The following SLC39A11 variants were observed in gnomAD, a reference collection of about 807,000 sequenced individuals.
SLC39A11 encodes solute carrier family 39 member 11.
In SLC39A11, 33 loss-of-function variants were observed where a neutral mutation model predicts 36.1. That is an observed-to-expected ratio of 0.91 (90% CI 0.69 to 1.22). SLC39A11 has a LOEUF of 1.22. SLC39A11 is among the 50% of genes most tolerant of loss of function. The probability of loss-of-function intolerance (pLI) is 0.00; values close to 1 mark genes in which losing one functional copy is unlikely to be tolerated. For missense variants in SLC39A11, 432 were observed against 430.3 expected (o/e 1.00, Z -0.03); for synonymous variants, 166 against 170.3 (o/e 0.97, Z 0.20).
intron 4 of SLC39A11, among the ~76,000 whole-genome samples, chr17:73,028,493 A>C (rs1014265866): frequency 3.9e-5 from 6 of 152,192 alleles, no homozygotes; most frequent in Admixed American, 3.9e-4. Flanking sequence ...ATTTGTATTC[A>C]CTGACTGTAG....
intron 5 of SLC39A11, among the ~76,000 whole-genome samples, chr17:72,850,381 G>C (rs11868141): frequency 0.52 from 79,238 of 151,366 alleles, 21,211 homozygotes; most frequent in Middle Eastern, 0.58. Flanking sequence ...TTGAGCCCGG[G>C]AAGTTGAGGC....
chr17:73,059,163 T>C (rs1908877207), intron 3 of SLC39A11, among the ~76,000 whole-genome samples: 2 of 152,240 alleles, frequency 1.3e-5, no homozygotes, highest in South Asian at 4.1e-4. Flanking sequence ...CATCTTGGTT[T>C]TGTACAATAT....
At chr17:72,674,564 G>A (rs2071169924) in intron 7 of SLC39A11, among the ~76,000 whole-genome samples, 1 of 152,208 alleles carries the variant, frequency 6.6e-6, no homozygotes, top group South Asian at 2.1e-4. Context: ...ATTCTTAGGA[G>A]TGGGTTTCCT....
chr17:72,773,680 C>T (rs77427824), intron 6 of SLC39A11, among the ~76,000 whole-genome samples: 4,162 of 150,108 alleles, frequency 0.028, 201 homozygotes, highest in African/African-American at 0.094. Flanking sequence ...CACACACACC[C>T]AGTATATAAA....
At chr17:72,670,160 T>TAC (rs202032502) in intron 7 of SLC39A11, among the ~76,000 whole-genome samples, 70 of 104,676 alleles carry the variant, frequency 6.7e-4, no homozygotes, top group East Asian at 2.5e-3. Context: ...ACATTTTATA[T>TAC]ACACACACAC....
Position 72,748,761 on chromosome 17 carries a change from T to C in SLC39A11, c.602-12042A>G, listed in dbSNP as rs1159543336. On this transcript the variant is annotated intron_variant, in intron 6 of 9. Coordinates refer to ENST00000255559, the MANE Select transcript of SLC39A11 (RefSeq NM_139177.4). ...AAGGGAGAGAATGCCTATACTGGCA[T>C]TGAAGATTCCGAGCTGTTCCAACTA... Among the ~76,000 whole-genome samples, 4 of 152,240 alleles carry C rather than the reference T, an allele frequency of 2.6e-5. No individual in the cohort carries two copies. The East Asian group carries it at 5.8e-4, about 22-fold the overall frequency.
chr17:72,986,641 AC>A (rs1262918608), intron 4 of SLC39A11, among the ~76,000 whole-genome samples: 8 of 152,120 alleles, frequency 5.3e-5, no homozygotes, highest in Non-Finnish European at 1.2e-4. Context: ...CCCAACCCAG[AC>A]CTGCCAAATC....
chr17:72,945,547 G>A (rs1482938868), intron 5 of SLC39A11, among the ~76,000 whole-genome samples: 1 of 152,202 alleles, frequency 6.6e-6, no homozygotes, highest in Non-Finnish European at 1.5e-5. Context: ...GTGTGTCCAG[G>A]TGAGAAGAAC....
intron 5 of SLC39A11, among the ~76,000 whole-genome samples, chr17:72,902,718 A>G (rs988598159): frequency 6.6e-6 from 1 of 152,208 alleles, no homozygotes; most frequent in Non-Finnish European, 1.5e-5. Flanking sequence ...CAATAGGCTT[A>G]ACATGCAGCT....
intron 6 of SLC39A11, among the ~76,000 whole-genome samples, chr17:72,797,689 C>T (rs1230437430): frequency 6.6e-6 from 1 of 152,144 alleles, no homozygotes; most frequent in Non-Finnish European, 1.5e-5. Flanking sequence ...ACCATCGTGG[C>T]CCGGCTCTGC....
chr17:72,961,852 C>T (rs999202463), intron 4 of SLC39A11, among the ~76,000 whole-genome samples: 2 of 152,090 alleles, frequency 1.3e-5, no homozygotes, highest in Non-Finnish European at 2.9e-5. Flanking sequence ...CAAACCTGCA[C>T]ATTGTGCACA....
At chr17:72,729,455 A>AT (rs2074122456) in intron 7 of SLC39A11, among the ~76,000 whole-genome samples, 3 of 6,614 alleles carry the variant, frequency 4.5e-4, no homozygotes, top group Non-Finnish European at 6.3e-4. Flanking sequence ...ATATATATAT[A>AT]TATTTTTTTT....
At chr17:72,933,762 C>T (rs900852604) in intron 5 of SLC39A11, among the ~76,000 whole-genome samples, 3 of 152,072 alleles carry the variant, frequency 2.0e-5, no homozygotes, top group Non-Finnish European at 4.4e-5. Flanking sequence ...TCAAACGATC[C>T]ACCCGACTCA....
intron 3 of SLC39A11, among the ~76,000 whole-genome samples, chr17:73,035,034 C>A (rs377174547): frequency 1.3e-5 from 2 of 152,174 alleles, no homozygotes; most frequent in Non-Finnish European, 2.9e-5. Context: ...AGCCTCCCTG[C>A]CTCACACACA....
chr17:72,952,945 C>T (rs1022591584), intron 4 of SLC39A11, among the ~76,000 whole-genome samples: 12 of 152,176 alleles, frequency 7.9e-5, no homozygotes, highest in Non-Finnish European at 1.5e-4. Context: ...TGTGCTGTGT[C>T]ACCTTGCAGC....
chr17:72,731,247 G>A (rs1713719528), intron 7 of SLC39A11, among the ~76,000 whole-genome samples: 1 of 152,198 alleles, frequency 6.6e-6, no homozygotes, highest in South Asian at 2.1e-4. Context: ...TTCAATTAGA[G>A]CTCAGAAATC....
rs1476909306 is a variant in SLC39A11, at chr17:72,845,555, C to T, written c.601+4079G>A. ...CTCTAACACTCTACCGTCTCCTCTG[C>T]CCTGTTGAACTTTTTCTTTTTTTAA... On this transcript the variant is annotated intron_variant, in intron 6 of 9. Coordinates refer to ENST00000255559, the MANE Select transcript of SLC39A11 (RefSeq NM_139177.4). Among the ~76,000 whole-genome samples the T allele has an allele frequency of 2.6e-5, 4 of 152,194 alleles. 1 individual carries two copies. Among genetic ancestry groups the T allele is most frequent in the Non-Finnish European group, 5.9e-5 (4 of 68,038 alleles).
chr17:73,012,529 GTTT>G (rs58612518), intron 4 of SLC39A11, among the ~76,000 whole-genome samples: 2 of 148,126 alleles, frequency 1.4e-5, no homozygotes, highest in East Asian at 3.9e-4. Flanking sequence ...GTATTTCCCA[GTTT>G]TTTTTTTTCT....
chr17:72,981,769 C>T (rs1359397687), intron 4 of SLC39A11, among the ~76,000 whole-genome samples: 1 of 152,074 alleles, frequency 6.6e-6, no homozygotes, highest in Non-Finnish European at 1.5e-5. Flanking sequence ...AAGTGACCAA[C>T]TGAGAAAAGA....
Sources: gnomAD v4.1 joint callset for allele counts (sites outside exome capture counted in the v4.1 genomes callset) on GRCh38, gnomAD v4.1.1 for gene constraint, MANE v1.5 for transcripts, NCBI Gene and HGNC (gene_info 2026-07-23, HGNC 2026-07-21) for gene names.